Variants in PCTP observed in about 807,000 individuals in gnomAD.
PCTP encodes the protein START domain-containing protein 2.
PCTP carries 27 observed loss-of-function variants against 31.0 expected under a neutral mutation model. The ratio of observed to expected loss-of-function variants is 0.87; its 90% CI spans 0.64 to 1.20. PCTP has a LOEUF of 1.20. Among genes scored for constraint, PCTP ranks in the 50% most tolerant of loss-of-function variants. The pLI, the probability that PCTP is intolerant of heterozygous loss-of-function variation, is 0.00. For synonymous variants in PCTP, 108 were observed against 101.2 expected, an observed-to-expected ratio of 1.07 and a Z score of -0.40; for missense variants, 287 against 268.2, an observed-to-expected ratio of 1.07 and a Z score of -0.49.
At chr17:55,785,023 CAT>C (rs35876073) in intron 2 of PCTP, among the ~76,000 whole-genome samples, 21,555 of 152,236 alleles carry the variant, frequency 0.14, 1,578 homozygotes, top group Middle Eastern at 0.2. Flanking sequence ...ATAATCCCCA[CAT>C]CTGTATATTC....
At chr17:55,775,955 G>A in intron 5 of PCTP, 80 bp from the exon 6 acceptor site, 1 of 1,572,890 alleles carries the variant, frequency 6.4e-7, no homozygotes, top group Non-Finnish European at 8.6e-7. Context: ...AGCCAACATT[G>A]TTTACCTTCT....
chr17:55,851,751 C>T, the PCTP span, among the ~76,000 whole-genome samples: 27,103 of 151,992 alleles, frequency 0.18, 2,811 homozygotes, highest in East Asian at 0.38. Flanking sequence ...ATTTTAACCA[C>T]ACTAAATGAA....
chr17:55,770,194 G>A (rs982243795), intron 2 of PCTP: 1 of 152,136 alleles, frequency 6.6e-6, no homozygotes, highest in Admixed American at 6.5e-5. Flanking sequence ...ATAGTAAGAC[G>A]GAAGGATTAT....
intron 5 of PCTP, among the ~76,000 whole-genome samples, chr17:55,833,610 G>A (rs1905677574): frequency 6.6e-6 from 1 of 152,148 alleles, no homozygotes; most frequent in Non-Finnish European, 1.5e-5. Context: ...TGTTAGAAAG[G>A]CAAACCCTTG....
chr17:55,835,887 A>G (rs991588520), intron 5 of PCTP, among the ~76,000 whole-genome samples: 1 of 152,234 alleles, frequency 6.6e-6, no homozygotes, highest in African/African-American at 2.4e-5. Context: ...TACTATTTTA[A>G]TTGATTCCAA....
At chr17:55,759,102 A>C (rs1910202366) in intron 1 of PCTP, among the ~76,000 whole-genome samples, 1 of 152,248 alleles carries the variant, frequency 6.6e-6, no homozygotes, top group African/African-American at 2.4e-5. Context: ...GTGAACCAGC[A>C]GGTGAATCTG....
In PCTP at chr17:55,809,225, T is replaced by C. The variant is rs1043898045; in HGVS notation, c.318-13536T>C. On this transcript the variant is annotated intron_variant, in intron 3 of 3. Coordinates refer to the PCTP transcript ENST00000572536. ...AGTGGTTGTCCTCATTGTCTCTCCT[T>C]CTCTCAAACAAAAAACAAAACACAA... Among the ~76,000 whole-genome samples, 3 of 152,192 alleles carry C rather than the reference T, an allele frequency of 2.0e-5. No homozygotes were observed. In the East Asian group the frequency reaches 5.8e-4, roughly 29 times the overall value.
At chr17:55,826,449 G>A (rs1434494278), downstream of PCTP, among the ~76,000 whole-genome samples, 3 of 144,634 alleles carry the variant, frequency 2.1e-5, no homozygotes, top group East Asian at 2.1e-4. Context: ...ATCCATCTCC[G>A]AAGGATTAAA....
exon 4 of PCTP, chr17:55,823,084 A>G: frequency 3.8e-6 from 1 of 261,284 alleles, no homozygotes; most frequent in Non-Finnish European, 7.2e-6. Flanking sequence ...GGACAAAATT[A>G]CCTGCCCTCT....
At chr17:55,768,570 G>T (rs547311322) in intron 2 of PCTP, among the ~76,000 whole-genome samples, 2 of 152,210 alleles carry the variant, frequency 1.3e-5, no homozygotes, top group East Asian at 3.9e-4. Context: ...ACCTATCCTA[G>T]GTCTTCGACT....
intron 1 of PCTP, among the ~76,000 whole-genome samples, chr17:55,765,152 C>G (rs1567712999): frequency 6.6e-6 from 1 of 152,142 alleles, no homozygotes; most frequent in Non-Finnish European, 1.5e-5. Context: ...GTCTTTTATA[C>G]AGAATCAAAA....
chr17:55,752,653 C>T (rs112650571), intron 1 of PCTP, among the ~76,000 whole-genome samples: 44 of 152,278 alleles, frequency 2.9e-4, no homozygotes, highest in Admixed American at 6.5e-4. Flanking sequence ...TAGGGCTGGC[C>T]TTTACATAAT....
chr17:55,784,886 G>C (rs1185178834), intron 2 of PCTP, among the ~76,000 whole-genome samples: 2 of 152,118 alleles, frequency 1.3e-5, no homozygotes, highest in African/African-American at 2.4e-5. Flanking sequence ...TTCCTCTCTA[G>C]TCTTTTATCT....
intron 5 of PCTP, among the ~76,000 whole-genome samples, chr17:55,829,689 AACACACACAC>A (rs3083340): frequency 1.5e-4 from 22 of 146,128 alleles, no homozygotes; most frequent in African/African-American, 2.2e-4. Flanking sequence ...TAATAATTTA[AACACACACAC>A]ACACACACAC....
intron 3 of PCTP, among the ~76,000 whole-genome samples, chr17:55,816,660 T>C (rs1323523438): frequency 1.3e-5 from 2 of 152,144 alleles, no homozygotes; most frequent in Middle Eastern, 3.2e-3. Context: ...CTGTACTACT[T>C]GTCTGTTCAA....
At chr17:55,841,023 G>A (rs978964115) in intron 5 of PCTP, among the ~76,000 whole-genome samples, 1 of 152,172 alleles carries the variant, frequency 6.6e-6, no homozygotes, top group African/African-American at 2.4e-5. Flanking sequence ...TTTACTGGGG[G>A]TCCGTGAAAC....
rs562125169 is a variant in PCTP, at chr17:55,805,941, G to A, written c.318-16820G>A. On this transcript the variant is annotated intron_variant, in intron 3 of 3. Transcript: ENST00000572536. Reference sequence around the variant, plus strand: ...GTTTGACTTTAGAGAAATCTCTTTGGCCTCATTTTTGGTGAGAGTGATACA... The same window carrying A: ...GTTTGACTTTAGAGAAATCTCTTTGACCTCATTTTTGGTGAGAGTGATACA... Among the ~76,000 whole-genome samples the A allele has an allele frequency of 1.3e-3, 180 of 143,496 alleles. 1 individual carries two copies. The highest frequency in any genetic ancestry group is 1.5e-3 in the Admixed American group (22 of 14,232). The allele number at this position is 143,496 out of a possible 152,430, so 94.1% of individuals were successfully genotyped here.
intron 3 of PCTP, among the ~76,000 whole-genome samples, chr17:55,793,662 G>A (rs928510875): frequency 1.1e-4 from 17 of 152,180 alleles, no homozygotes; most frequent in African/African-American, 3.9e-4. Context: ...CCTGAAACAC[G>A]ATAGTTGCTT....
the PCTP span, among the ~76,000 whole-genome samples, chr17:55,851,506 C>T: frequency 2.6e-5 from 4 of 152,160 alleles, no homozygotes; most frequent in African/African-American, 4.8e-5. Flanking sequence ...ATTCAGCTTT[C>T]TTTTCTTTTC....
Sources: gnomAD v4.1 joint callset for allele counts (sites outside exome capture counted in the v4.1 genomes callset) on GRCh38, gnomAD v4.1.1 for gene constraint, MANE v1.5 for transcripts, NCBI Gene and HGNC (gene_info 2026-07-23, HGNC 2026-07-21) for gene names.